The following SMOC2 variants were observed in gnomAD, a reference collection of about 807,000 sequenced individuals.
SMOC2 encodes SPARC-related modular calcium-binding protein 2.
In SMOC2, 39 loss-of-function variants were observed where a neutral mutation model predicts 61.4. The ratio of observed to expected loss-of-function variants is 0.64; its 90% CI spans 0.49 to 0.83. The LOEUF (loss-of-function observed/expected upper bound fraction) is 0.83, where lower values mean the gene tolerates loss of function less well. Among genes scored for constraint, SMOC2 ranks in the 40% least tolerant of loss-of-function variants. The pLI is 0.00. For synonymous variants in SMOC2, 247 were observed against 239.9 expected, an observed-to-expected ratio of 1.03 and a Z score of -0.27; for missense variants, 556 against 592.9, an observed-to-expected ratio of 0.94 and a Z score of 0.65.
At chr6:168,605,315 G>A (rs1785658450) in intron 8 of SMOC2, among the ~76,000 whole-genome samples, 1 of 152,134 alleles carries the variant, frequency 6.6e-6, no homozygotes, top group Admixed American at 6.5e-5. Context: ...GGTGTGCAGG[G>A]GATCATGTGG....
At position 168,453,594 on chromosome 6, in the gene SMOC2, T is replaced by G. The variant is rs75002345; in HGVS notation, c.84+12140T>G. Among the ~76,000 whole-genome samples, 60 of 148,936 alleles carry G rather than the reference T, an allele frequency of 4.0e-4. No homozygotes were observed. The highest frequency in any genetic ancestry group is 1.4e-3 in the African/African-American group (57 of 41,230). Reference sequence around the variant, plus strand: ...AGTCTCTGCCATTTGCTCTCTCTCTTTCTGTCTGTCTCTGTTTCTTCCTGT... The same window carrying G: ...AGTCTCTGCCATTTGCTCTCTCTCTGTCTGTCTGTCTCTGTTTCTTCCTGT... On this transcript the variant is annotated intron_variant, in intron 1 of 12. Coordinates refer to ENST00000356284, the MANE Select transcript of SMOC2 (RefSeq NM_001166412.2). The surrounding 1 kb of genome is among the most constrained non-coding windows in gnomAD (Gnocchi z 4.4).
intron 1 of SMOC2, among the ~76,000 whole-genome samples, chr6:168,444,761 A>G (rs1781294007): frequency 6.6e-6 from 1 of 152,182 alleles, no homozygotes; most frequent in Admixed American, 6.5e-5. Context: ...TCTGTTTTCA[A>G]AGAGCAAACA....
intron 3 of SMOC2, among the ~76,000 whole-genome samples, chr6:168,527,152 C>T (rs1056107455): frequency 1.3e-5 from 2 of 152,024 alleles, no homozygotes; most frequent in Non-Finnish European, 2.9e-5. Context: ...TGAGAGACAA[C>T]GAGGGAGAGA....
chr6:168,650,167 G>A (rs1278855509), intron 9 of SMOC2, among the ~76,000 whole-genome samples: 6 of 152,286 alleles, frequency 3.9e-5, no homozygotes, highest in Middle Eastern at 3.4e-3. Context: ...TGCCAATGCC[G>A]TGGTGTGGAC....
chr6:168,489,422 T>C (rs576739812), intron 1 of SMOC2, among the ~76,000 whole-genome samples: 82 of 148,646 alleles, frequency 5.5e-4, no homozygotes, highest in African/African-American at 1.7e-3. Flanking sequence ...GTCTGGGTCC[T>C]CTTGGATCAC....
intron 9 of SMOC2, among the ~76,000 whole-genome samples, chr6:168,631,959 AC>A (rs1786581366): frequency 6.6e-6 from 1 of 152,206 alleles, no homozygotes; most frequent in African/African-American, 2.4e-5. Flanking sequence ...GGGCTGCTCA[AC>A]CAGGGATCCG....
intron 1 of SMOC2, among the ~76,000 whole-genome samples, chr6:168,461,039 A>G (rs920782037): frequency 6.6e-6 from 1 of 152,184 alleles, no homozygotes; most frequent in Non-Finnish European, 1.5e-5. Flanking sequence ...CTGTTTTTAC[A>G]CTGCTGATAA....
At chr6:168,651,487 C>T (rs1387286290) in intron 10 of SMOC2, among the ~76,000 whole-genome samples, 1 of 152,136 alleles carries the variant, frequency 6.6e-6, no homozygotes, top group African/African-American at 2.4e-5. Flanking sequence ...CAGATATTCC[C>T]CCTGATCTAG....
intron 11 of SMOC2, among the ~76,000 whole-genome samples, chr6:168,657,405 C>G (rs565278462): frequency 8.5e-5 from 13 of 152,230 alleles, no homozygotes; most frequent in Non-Finnish European, 1.9e-4. Context: ...AGGGCTCCTT[C>G]GCCCACACCA....
chr6:168,568,251 T>A (rs1456197736), intron 7 of SMOC2, among the ~76,000 whole-genome samples: 1 of 152,234 alleles, frequency 6.6e-6, no homozygotes, highest in Non-Finnish European at 1.5e-5. Context: ...ATTTAGCGCG[T>A]CTTCTCATGT....
At chr6:168,527,795 C>A in intron 4 of SMOC2, 68 bp downstream of exon 4, 1 of 1,077,288 alleles carries the variant, frequency 9.3e-7, no homozygotes, top group Non-Finnish European at 1.4e-6. Flanking sequence ...TTCTCATCAT[C>A]TTCCCTGGGT....
chr6:168,620,937 G>A (rs186536594), intron 9 of SMOC2, among the ~76,000 whole-genome samples: 22 of 149,882 alleles, frequency 1.5e-4, no homozygotes, highest in Admixed American at 3.9e-4. Flanking sequence ...TGCATCAGCC[G>A]CGTGTCAAAC....
At chr6:168,629,254 G>T (rs1453742672) in intron 9 of SMOC2, among the ~76,000 whole-genome samples, 1 of 152,260 alleles carries the variant, frequency 6.6e-6, no homozygotes, top group Middle Eastern at 3.2e-3. Context: ...TGGCTTCAGG[G>T]TCTCCGACAG....
chr6:168,641,875 C>CT (rs1359321547), intron 9 of SMOC2, among the ~76,000 whole-genome samples: 1 of 152,052 alleles, frequency 6.6e-6, no homozygotes, highest in Non-Finnish European at 1.5e-5. Flanking sequence ...TATCTAAAGC[C>CT]TATGGACCTC....
chr6:168,562,676 T>C (rs907551352), intron 7 of SMOC2, among the ~76,000 whole-genome samples: 2 of 152,182 alleles, frequency 1.3e-5, no homozygotes, highest in African/African-American at 4.8e-5. Flanking sequence ...GATTTACGCA[T>C]CCGGGGTTAT....
intron 7 of SMOC2, among the ~76,000 whole-genome samples, chr6:168,580,085 G>A (rs986864909): frequency 1.3e-5 from 2 of 152,044 alleles, no homozygotes; most frequent in Non-Finnish European, 2.9e-5. Flanking sequence ...CTTTGTCACG[G>A]CTTAAGACGT....
At chr6:168,540,440 T>C (rs1783852743) in intron 4 of SMOC2, among the ~76,000 whole-genome samples, 1 of 152,238 alleles carries the variant, frequency 6.6e-6, no homozygotes, top group African/African-American at 2.4e-5. Context: ...TGCACTCCTA[T>C]GTGTGGGTTG....
intron 8 of SMOC2, among the ~76,000 whole-genome samples, chr6:168,607,579 A>T (rs1323528033): frequency 1.6e-5 from 2 of 126,822 alleles, no homozygotes; most frequent in Non-Finnish European, 3.4e-5. Flanking sequence ...GTGGGACCAG[A>T]GAGTCGTTTT....
At chr6:168,540,053 G>A (rs1304149102) in intron 4 of SMOC2, among the ~76,000 whole-genome samples, 1 of 152,220 alleles carries the variant, frequency 6.6e-6, no homozygotes, top group African/African-American at 2.4e-5. Context: ...CACAGTAAGA[G>A]CTATATAGAC....
Sources: gnomAD v4.1 joint callset for allele counts (sites outside exome capture counted in the v4.1 genomes callset) on GRCh38, gnomAD v4.1.1 for gene constraint, Gnocchi (gnomAD v3.1) non-coding constraint, MANE v1.5 for transcripts, NCBI Gene and HGNC (gene_info 2026-07-23, HGNC 2026-07-21) for gene names.